Variants in ELF4 observed in about 807,000 individuals in gnomAD.
ELF4 encodes the protein ETS-related transcription factor Elf-4.
ELF4 carries 10 observed loss-of-function variants against 31.7 expected under a neutral mutation model. That is an observed-to-expected ratio of 0.32 (90% CI 0.19 to 0.54). The LOEUF is 0.54. Among genes scored for constraint, ELF4 ranks in the 20% least tolerant of loss-of-function variants. The pLI is 0.95. For synonymous variants in ELF4, 208 were observed against 226.7 expected, an observed-to-expected ratio of 0.92 and a Z score of 0.74; for missense variants, 418 against 522.0, an observed-to-expected ratio of 0.80 and a Z score of 1.94.
At position 130,081,247 on chromosome X, in the gene ELF4, G is replaced by A; in HGVS notation, c.75+9C>T. The A allele has an allele frequency of 8.3e-7, 1 of 1,211,422 alleles. No individual in the cohort carries two copies. On this transcript the variant is annotated intron_variant, in intron 2 of 8. Transcript: ENST00000308167. ...GGGGCTAACTGTGCTCTGTTCTCTG[G>A]GGCCATACCTGGTGGATATCATCAT...
At position 130,081,356 on chromosome X, in the gene ELF4, G is replaced by A; in HGVS notation, c.-26C>T. The A allele has an allele frequency of 1.7e-6, 2 of 1,195,876 alleles. No homozygotes were observed. Among genetic ancestry groups the A allele is most frequent in the Non-Finnish European group, 1.1e-6 (1 of 880,890 alleles). ...GCTGTCTTTTCAGAGAGCTGACAACGGGATTATCAGAGCCCTCCAGAGCTG... is the reference window on the plus strand; with the variant it reads ...GCTGTCTTTTCAGAGAGCTGACAACAGGATTATCAGAGCCCTCCAGAGCTG... On this transcript the variant is annotated 5_prime_UTR_variant, in exon 2 of 9. Coordinates refer to ENST00000308167, the MANE Select transcript of ELF4 (RefSeq NM_001421.4).
intron 1 of ELF4, among the ~76,000 whole-genome samples, chrX:130,109,700 C>T (rs182080858): frequency 8.9e-6 from 1 of 112,213 alleles, no homozygotes; most frequent in East Asian, 2.8e-4. Flanking sequence ...CAAAGCAAGG[C>T]GCTGGCGTGA....
intron 8 of ELF4, among the ~76,000 whole-genome samples, chrX:130,068,535 C>T (rs968273858): frequency 4.5e-5 from 5 of 112,028 alleles, no homozygotes; most frequent in Admixed American, 9.4e-5. Flanking sequence ...CTGCCCTCCT[C>T]GAAAGGGTGT....
chrX:130,075,679 A>G (rs1932828528), intron 2 of ELF4, among the ~76,000 whole-genome samples: 1 of 112,010 alleles, frequency 8.9e-6, no homozygotes. Flanking sequence ...GGAATAGACC[A>G]GCTGATGGCA....
In ELF4 at chrX:130,074,581, C is replaced by G; in HGVS notation, c.247G>C (p.Asp83His). ...QILEGSFLLT[D>H]DNEATSHTMS... ...TTCTCTGCCCAGGAAGGGAACAGAC[C>G]TGTCAGCAAAAAACTGCCTTCCAGG... Residue 83 changes from aspartate to histidine, a missense_variant and splice_region_variant, in exon 3 of 9, where the codon GAT becomes CAT. Around this residue, in one of 4 missense-constraint regions of ELF4, gnomAD observed 35 missense variants for 76.4 expected, o/e 0.46. Coordinates refer to ENST00000308167, the MANE Select transcript of ELF4 (RefSeq NM_001421.4). The G allele has an allele frequency of 8.3e-7, 1 of 1,211,842 alleles. No individual in the cohort carries two copies. Among genetic ancestry groups the G allele is most frequent in the Non-Finnish European group, 1.1e-6 (1 of 895,568 alleles).
At chrX:130,088,900 G>T (rs1343504869) in intron 1 of ELF4, among the ~76,000 whole-genome samples, 1 of 111,995 alleles carries the variant, frequency 8.9e-6, no homozygotes, top group Non-Finnish European at 1.9e-5. Context: ...TCCTTGCTCA[G>T]ATCTGGAACT....
intron 1 of ELF4, among the ~76,000 whole-genome samples, chrX:130,091,880 G>A (rs1193949194): frequency 9.0e-6 from 1 of 111,646 alleles, no homozygotes; most frequent in Non-Finnish European, 1.9e-5. Context: ...ATCTCCCACA[G>A]TTCTTAGCAG....
intron 8 of ELF4, among the ~76,000 whole-genome samples, chrX:130,067,804 G>C (rs1281517255): frequency 9.2e-6 from 1 of 109,008 alleles, no homozygotes; most frequent in Non-Finnish European, 1.9e-5. Context: ...ACCACACCCA[G>C]CTAATTTTTA....
chrX:130,078,223 T>C (rs1254900802), intron 2 of ELF4, among the ~76,000 whole-genome samples: 2 of 110,003 alleles, frequency 1.8e-5, no homozygotes, highest in African/African-American at 6.6e-5. Context: ...ATTTTGTATT[T>C]TTAGTAGAGA....
At chrX:130,081,170 G>A in intron 2 of ELF4, 86 bp downstream of exon 2, 1 of 1,072,621 alleles carries the variant, frequency 9.3e-7, no homozygotes, top group Non-Finnish European at 1.3e-6. Context: ...TGTGCAGCCA[G>A]CTGGCTCCCT....
chrX:130,074,235 G>A (rs958991837), intron 3 of ELF4, 94 bp from the exon 4 acceptor site: 1 of 958,978 alleles, frequency 1.0e-6, no homozygotes, highest in Middle Eastern at 2.9e-4. Flanking sequence ...CCCGAAGAAA[G>A]GATGGTGGTA....
intron 2 of ELF4, among the ~76,000 whole-genome samples, chrX:130,078,273 T>C (rs1272168849): frequency 9.2e-6 from 1 of 109,105 alleles, no homozygotes; most frequent in Non-Finnish European, 1.9e-5. Context: ...CTCGAACTGC[T>C]GAACTCAGGT....
chrX:130,090,372 CAA>C (rs1183281100), intron 1 of ELF4, among the ~76,000 whole-genome samples: 3 of 96,369 alleles, frequency 3.1e-5, no homozygotes. Context: ...GACTCTGTCT[CAA>C]AAAAAAAAAA....
At chrX:130,079,036 G>T (rs1024342391) in intron 2 of ELF4, among the ~76,000 whole-genome samples, 3 of 111,111 alleles carry the variant, frequency 2.7e-5, no homozygotes, top group Non-Finnish European at 5.7e-5. Flanking sequence ...ACCCTGGGGG[G>T]AAGAAAGGAA....
chrX:130,071,313 AC>A, intron 6 of ELF4, 22 bp downstream of exon 6: 2 of 1,211,027 alleles, frequency 1.7e-6, no homozygotes, highest in Non-Finnish European at 2.2e-6. Context: ...TCCCCACCTC[AC>A]CTGAGTCCCA....
intron 2 of ELF4, among the ~76,000 whole-genome samples, chrX:130,078,424 C>T (rs1197730445): frequency 4.6e-5 from 5 of 109,167 alleles, no homozygotes; most frequent in African/African-American, 1.7e-4. Context: ...AGTCTGAGAC[C>T]AACCTGGGCA....
intron 1 of ELF4, among the ~76,000 whole-genome samples, chrX:130,083,311 G>C (rs1430548699): frequency 1.2e-5 from 1 of 82,039 alleles, no homozygotes; most frequent in Non-Finnish European, 2.2e-5. Flanking sequence ...ATTCTCCACT[G>C]GTCTGTGAAG....
chrX:130,068,982 A>G (rs1413029236), intron 8 of ELF4, among the ~76,000 whole-genome samples: 2 of 111,802 alleles, frequency 1.8e-5, no homozygotes, highest in Non-Finnish European at 3.8e-5. Context: ...CCAGCACTTT[A>G]GGAGGCCAAG....
rs1932634086 is a variant in ELF4, at chrX:130,065,157, G to A, written c.*1564C>T. 5.8e-6 allele frequency: 1 copy of A among 173,054 alleles called. No individual in the cohort carries two copies. The highest frequency in any genetic ancestry group is 1.1e-5 in the Non-Finnish European group (1 of 90,747). The allele number at this position is 173,054 out of a possible 1,213,427, so 14.3% of individuals were successfully genotyped here. A position where few individuals can be genotyped will look rare whatever the true frequency, so the allele number is the denominator to read the frequency against. ...GGTTCTGTACCAAGGACACAGCAAA[G>A]GTCCTCAGGCACTGATTCACATTAC... is the stretch of plus-strand genomic sequence containing the variant. On this transcript the variant is annotated 3_prime_UTR_variant, in exon 9 of 9. Transcript: ENST00000308167.
Sources: gnomAD v4.1 joint callset for allele counts (sites outside exome capture counted in the v4.1 genomes callset) on GRCh38, gnomAD v4.1.1 for gene constraint, gnomAD v4.1.1 regional missense constraint, MANE v1.5 for transcripts, NCBI Gene and HGNC (gene_info 2026-07-23, HGNC 2026-07-21) for gene names.